Variants in EMCN observed in about 807,000 individuals in gnomAD.
EMCN encodes the protein endomucin.
EMCN carries 37 observed loss-of-function variants against 38.4 expected under a neutral mutation model. The observed-to-expected ratio is 0.96, with a 90% CI of 0.74 to 1.27. EMCN has a LOEUF of 1.27. Ranked by LOEUF, EMCN falls within the 50% of genes most tolerant of loss-of-function variation. The pLI is 0.00. For synonymous variants in EMCN, 95 were observed against 100.8 expected (o/e 0.94, Z 0.35); for missense variants, 318 against 302.8 (o/e 1.05, Z -0.37).
intron 7 of EMCN, among the ~76,000 whole-genome samples, chr4:100,421,998 TTGCC>T (rs888463379): frequency 6.6e-6 from 1 of 151,628 alleles, no homozygotes; most frequent in African/African-American, 2.4e-5. Flanking sequence ...AGGAAGAGTA[TTGCC>T]TGCCTTCCTT....
chr4:100,514,955 T>C (rs992280), intron 1 of EMCN, among the ~76,000 whole-genome samples: 60,849 of 151,866 alleles, frequency 0.4, 12,931 homozygotes, highest in East Asian at 0.74. Flanking sequence ...GAGGGTTAAC[T>C]TTTATTAAGT....
chr4:100,513,755 T>C (rs549512529), intron 1 of EMCN, among the ~76,000 whole-genome samples: 25 of 152,316 alleles, frequency 1.6e-4, no homozygotes, highest in Admixed American at 1.6e-3. Flanking sequence ...GACAAGATAG[T>C]AAACTATTAG....
At chr4:100,459,087 A>C (rs1194349318) in intron 4 of EMCN, among the ~76,000 whole-genome samples, 1 of 151,790 alleles carries the variant, frequency 6.6e-6, no homozygotes, top group Admixed American at 6.6e-5. Flanking sequence ...TTTCTTGAGA[A>C]TTACATGAAT....
chr4:100,516,856 GT>G (rs566638596), intron 1 of EMCN, among the ~76,000 whole-genome samples: 4 of 151,894 alleles, frequency 2.6e-5, no homozygotes, highest in East Asian at 1.9e-4. Context: ...GAATGTTTTT[GT>G]TTTTTTCCCC....
chr4:100,430,723 C>G (rs1727173175), intron 5 of EMCN, among the ~76,000 whole-genome samples: 2 of 152,170 alleles, frequency 1.3e-5, no homozygotes, highest in African/African-American at 2.4e-5. Context: ...GATCCCTGAA[C>G]TAGATAAGAA....
rs150420268 is a variant in EMCN at position 100,508,957 on chromosome 4, T to TA, written c.64+8893dup. Among the ~76,000 whole-genome samples, 446 of 152,346 alleles carry TA rather than the reference T, an allele frequency of 2.9e-3. 5 individuals carry two copies. Among genetic ancestry groups the TA allele is most frequent in the African/African-American group, 0.01 (428 of 41,584 alleles). ...CAAAATACACTTACTGCTTCCGCTC[T>TA]ACAGAGGCCAGGGATAAAAATAAAT... is the stretch of plus-strand genomic sequence containing the variant. On this transcript the variant is annotated intron_variant, in intron 1 of 11. Transcript: ENST00000296420.
chr4:100,481,335 T>C (rs1229616579), intron 1 of EMCN, among the ~76,000 whole-genome samples: 2 of 152,106 alleles, frequency 1.3e-5, no homozygotes, highest in African/African-American at 4.8e-5. Context: ...TGTCATGACA[T>C]AGAGAATATG....
At chr4:100,461,421 A>T (rs1728175426) in intron 4 of EMCN, among the ~76,000 whole-genome samples, 1 of 152,150 alleles carries the variant, frequency 6.6e-6, no homozygotes, top group Non-Finnish European at 1.5e-5. Flanking sequence ...TCATGATAGC[A>T]TGGTCTGTCT....
chr4:100,473,697 A>G (rs1728558232), intron 3 of EMCN, among the ~76,000 whole-genome samples: 1 of 152,140 alleles, frequency 6.6e-6, no homozygotes, highest in Non-Finnish European at 1.5e-5. Context: ...TTCTCTAACA[A>G]CTACATGAGA....
At chr4:100,517,701 C>T (rs758931496) in intron 1 of EMCN, 150 bp downstream of exon 1, 5 of 740,560 alleles carry the variant, frequency 6.8e-6, no homozygotes, top group Non-Finnish European at 1.2e-5. Context: ...GCCTTCTCCA[C>T]GCACTCCAAG....
At chr4:100,498,182 A>G (rs145378046) in intron 1 of EMCN, among the ~76,000 whole-genome samples, 1 of 152,306 alleles carries the variant, frequency 6.6e-6, no homozygotes, top group Non-Finnish European at 1.5e-5. Context: ...TTTAGTCTGA[A>G]GAAACAATGT....
At chr4:100,417,272 T>C in intron 8 of EMCN, 131 bp from the exon 9 acceptor site, 1 of 859,984 alleles carries the variant, frequency 1.2e-6, no homozygotes. Flanking sequence ...CATTTTAAAA[T>C]ATTTTAATTT....
chr4:100,445,209 A>G (rs1727634631), intron 5 of EMCN, among the ~76,000 whole-genome samples: 1 of 152,164 alleles, frequency 6.6e-6, no homozygotes, highest in Non-Finnish European at 1.5e-5. Context: ...AAGTGGGAAG[A>G]GCACTAGAAG....
At chr4:100,501,375 C>A (rs879687049) in intron 1 of EMCN, among the ~76,000 whole-genome samples, 9 of 152,136 alleles carry the variant, frequency 5.9e-5, no homozygotes, top group Non-Finnish European at 8.8e-5. Flanking sequence ...AAGTCAGTTT[C>A]AGAGCTCTCT....
At chr4:100,454,452 AG>A (rs1427493249) in intron 4 of EMCN, among the ~76,000 whole-genome samples, 1 of 152,120 alleles carries the variant, frequency 6.6e-6, no homozygotes, top group Non-Finnish European at 1.5e-5. Flanking sequence ...AGGTATAGTG[AG>A]GGCTAATGCA....
chr4:100,494,223 T>C (rs1729155121), intron 1 of EMCN, among the ~76,000 whole-genome samples: 1 of 152,220 alleles, frequency 6.6e-6, no homozygotes, highest in Non-Finnish European at 1.5e-5. Flanking sequence ...TTTTGAGCTA[T>C]GTCATTAAGA....
chr4:100,449,272 C>A (rs1264366370), intron 4 of EMCN, among the ~76,000 whole-genome samples: 1 of 152,068 alleles, frequency 6.6e-6, no homozygotes, highest in Non-Finnish European at 1.5e-5. Flanking sequence ...TGATCAGTTT[C>A]ATATCTTATT....
At chr4:100,470,750 G>T (rs1728454707) in intron 3 of EMCN, among the ~76,000 whole-genome samples, 1 of 151,966 alleles carries the variant, frequency 6.6e-6, no homozygotes, top group Non-Finnish European at 1.5e-5. Context: ...GGATGAAGCT[G>T]GAGGACATTA....
At chr4:100,403,748 T>G (rs567507949) in intron 11 of EMCN, among the ~76,000 whole-genome samples, 48 of 152,184 alleles carry the variant, frequency 3.2e-4, no homozygotes, top group African/African-American at 1.1e-3. Context: ...ACTTCTTGAC[T>G]TTTTAATGGT....
Sources: allele counts gnomAD v4.1 joint callset (sites outside exome capture counted in the v4.1 genomes callset), GRCh38; gene constraint gnomAD v4.1.1; transcripts MANE v1.5; gene names NCBI Gene and HGNC (gene_info 2026-07-23, HGNC 2026-07-21).